Variants in CTNNA2 observed in about 807,000 individuals in gnomAD.
CTNNA2 encodes the protein catenin alpha-2.
A neutral mutation model predicts 101.0 loss-of-function variants in CTNNA2; 42 were observed. That is an observed-to-expected ratio of 0.42 (90% CI 0.32 to 0.54). The LOEUF (loss-of-function observed/expected upper bound fraction) is 0.54, where lower values mean the gene tolerates loss of function less well. CTNNA2 is among the 20% of genes least tolerant of loss of function. The pLI, the probability that CTNNA2 is intolerant of heterozygous loss-of-function variation, is 0.14. For missense variants in CTNNA2, 871 were observed against 1,223.1 expected (o/e 0.71, Z 4.29); for synonymous variants, 450 against 456.4 (o/e 0.99, Z 0.18).
At chr2:79,835,660 CTCTT>C (rs1679272116) in intron 3 of CTNNA2, among the ~76,000 whole-genome samples, 2 of 101,748 alleles carry the variant, frequency 2.0e-5, no homozygotes, top group South Asian at 3.3e-4. Context: ...AGAATGGCCT[CTCTT>C]TGTTTTTTTT....
At chr2:79,873,647 C>G (rs967552733) in intron 5 of CTNNA2, among the ~76,000 whole-genome samples, 2 of 152,076 alleles carry the variant, frequency 1.3e-5, no homozygotes, top group Non-Finnish European at 1.5e-5. Flanking sequence ...GGCTGTCATT[C>G]CAGCACTTTG....
In CTNNA2 at chr2:79,965,598, C is replaced by A. The variant is rs535210950; in HGVS notation, c.1056+55801C>A. The stretch of plus-strand genomic sequence containing the variant: ...CAGCACTTTTGGAGGCCAAGGGGGG[C>A]GGATCACTTGAGGTCAGGAGTTTAA... On this transcript the variant is annotated intron_variant, in intron 7 of 18. Transcript: ENST00000402739. 2.0e-5 allele frequency among the ~76,000 whole-genome samples: 3 copies of A among 151,742 alleles called. No individual in the cohort carries two copies. In the South Asian group the frequency reaches 6.3e-4, roughly 32 times the overall value.
chr2:80,188,733 C>T (rs1351465597), intron 7 of CTNNA2, among the ~76,000 whole-genome samples: 1 of 152,110 alleles, frequency 6.6e-6, no homozygotes, highest in Non-Finnish European at 1.5e-5. Context: ...CTATCAAAGA[C>T]TCATGATTTA....
At chr2:79,523,626 A>G (rs1431498345) in intron 1 of CTNNA2, among the ~76,000 whole-genome samples, 1 of 152,158 alleles carries the variant, frequency 6.6e-6, no homozygotes, top group Non-Finnish European at 1.5e-5. Context: ...TCATAAATGC[A>G]GTTGTTGAGT....
chr2:79,955,621 C>T (rs1481268240), intron 7 of CTNNA2, among the ~76,000 whole-genome samples: 1 of 152,242 alleles, frequency 6.6e-6, no homozygotes, highest in Admixed American at 6.5e-5. Context: ...GGTGCAACCA[C>T]AGCCTTGACC....
chr2:80,629,348 C>A (rs1672035850), intron 18 of CTNNA2, among the ~76,000 whole-genome samples: 1 of 152,070 alleles, frequency 6.6e-6, no homozygotes, highest in Non-Finnish European at 1.5e-5. Flanking sequence ...AAAGGAATAA[C>A]CTCAATAGAA....
intron 3 of CTNNA2, among the ~76,000 whole-genome samples, chr2:79,789,515 TGAGCC>T (rs1675110195): frequency 6.6e-6 from 1 of 152,174 alleles, no homozygotes; most frequent in East Asian, 1.9e-4. Context: ...GATTTGCATG[TGAGCC>T]GAGTTTTTAT....
chr2:80,414,873 C>A lies in CTNNA2; in HGVS notation c.1138-4576C>A, dbSNP rs2149399870. On this transcript the variant is annotated intron_variant, in intron 8 of 18. Transcript: ENST00000402739. The stretch of plus-strand genomic sequence containing the variant: ...CAAACTTTATACTGTGGAATAATCA[C>A]CTAGACATCTTACTAAAATGCAGAT... 2.6e-5 allele frequency among the ~76,000 whole-genome samples: 4 copies of A among 152,204 alleles called. No individual in the cohort carries two copies. In the South Asian group the frequency reaches 8.3e-4, roughly 32 times the overall value.
At chr2:79,489,251 A>G (rs1026560004) in intron 4 of CTNNA2, among the ~76,000 whole-genome samples, 1 of 152,184 alleles carries the variant, frequency 6.6e-6, no homozygotes, top group East Asian at 1.9e-4. Context: ...ACTGATATCA[A>G]ATTTTTCCTT....
At chr2:80,441,827 G>A (rs1288239085) in intron 9 of CTNNA2, among the ~76,000 whole-genome samples, 2 of 152,212 alleles carry the variant, frequency 1.3e-5, no homozygotes, top group Non-Finnish European at 2.9e-5. Flanking sequence ...TGTTCTCGAA[G>A]GCCTGATTCA....
intron 17 of CTNNA2, chr2:80,616,526 A>C (rs1352348587): frequency 6.6e-6 from 1 of 151,748 alleles, no homozygotes; most frequent in African/African-American, 2.4e-5. Flanking sequence ...ACAACTTTTT[A>C]TTAACCTCAA....
chr2:79,454,663 T>G lies in CTNNA2; in HGVS notation c.-134-50391T>G, dbSNP rs1344244481. Among the ~76,000 whole-genome samples, 3 of 152,032 alleles carry G rather than the reference T, an allele frequency of 2.0e-5. No individual in the cohort carries two copies. In the East Asian group the frequency reaches 5.8e-4, roughly 29 times the overall value. On this transcript the variant is annotated intron_variant, in intron 4 of 21. Coordinates refer to the CTNNA2 transcript ENST00000466387. ...AAGCTCAGATGAAAAATAAATTTTTTGGAGGTTAAATGATTGAGTCTACGT... is the reference window on the plus strand; with the variant it reads ...AAGCTCAGATGAAAAATAAATTTTTGGGAGGTTAAATGATTGAGTCTACGT...
chr2:80,161,185 T>C (rs1203699278), intron 7 of CTNNA2, among the ~76,000 whole-genome samples: 1 of 152,060 alleles, frequency 6.6e-6, no homozygotes, highest in Non-Finnish European at 1.5e-5. Context: ...CCAGCTAATT[T>C]TTGTACTTTT....
chr2:80,560,399 C>A (rs1221749190), intron 12 of CTNNA2, among the ~76,000 whole-genome samples: 2 of 147,838 alleles, frequency 1.4e-5, no homozygotes, highest in Admixed American at 1.3e-4. Context: ...CTGCTACCAA[C>A]TAACTGTGAC....
intron 12 of CTNNA2, among the ~76,000 whole-genome samples, chr2:80,568,423 G>T (rs1197413721): frequency 1.3e-5 from 2 of 152,150 alleles, no homozygotes; most frequent in African/African-American, 4.8e-5. Flanking sequence ...GATTGTCTGT[G>T]CTAGAAGCAG....
In CTNNA2 at chr2:79,897,092, G is replaced by T. The variant is rs1397625710; in HGVS notation, c.853-12502G>T. 1.4e-4 allele frequency among the ~76,000 whole-genome samples: 22 copies of T among 152,018 alleles called. 1 individual carries two copies. Among genetic ancestry groups the T allele is most frequent in the Non-Finnish European group, 8.8e-5 (6 of 68,006 alleles). On this transcript the variant is annotated intron_variant, in intron 6 of 18. Transcript: ENST00000402739. ...CTGAAAATGACATCTCAATTCAAGG[G>T]CTGGATGAAAATGCAACTCATTGCT...
chr2:80,545,633 T>C lies in CTNNA2; in HGVS notation c.1384-274T>C, dbSNP rs571863329. Among the ~76,000 whole-genome samples, 14 of 152,352 alleles carry C rather than the reference T, an allele frequency of 9.2e-5. 1 individual carries two copies. In the South Asian group the frequency reaches 2.9e-3, roughly 32 times the overall value. On this transcript the variant is annotated intron_variant, in intron 10 of 18. Transcript: ENST00000402739. Reference sequence around the variant, plus strand: ...GCACATGTGGAAAGCAAGAGTTGCATTTCTGCTGTATCTGTGCTAAGTCAT... The same window carrying C: ...GCACATGTGGAAAGCAAGAGTTGCACTTCTGCTGTATCTGTGCTAAGTCAT...
intron 1 of CTNNA2, among the ~76,000 whole-genome samples, chr2:79,191,479 C>T (rs1673869722): frequency 6.6e-6 from 1 of 152,170 alleles, no homozygotes; most frequent in African/African-American, 2.4e-5. Flanking sequence ...TGTTAAGATA[C>T]CCACCCTAAC....
At chr2:80,164,945 T>TTTTTTTGTTTG (rs1553461409) in intron 7 of CTNNA2, among the ~76,000 whole-genome samples, 4 of 108,230 alleles carry the variant, frequency 3.7e-5, no homozygotes, top group African/African-American at 1.9e-4. Flanking sequence ...TTTGGTTTTT[T>TTTTTTTGTTTG]TTTTTTTTTT....
Sources: allele counts gnomAD v4.1 joint callset (sites outside exome capture counted in the v4.1 genomes callset), GRCh38; gene constraint gnomAD v4.1.1; transcripts MANE v1.5; gene names NCBI Gene and HGNC (gene_info 2026-07-23, HGNC 2026-07-21).